The following WDR49 variants were observed in gnomAD, a reference collection of about 807,000 sequenced individuals.
WDR49 encodes WD repeat domain 49, also known as cilia- and flagella-associated protein 337.
WDR49 carries 107 observed loss-of-function variants against 119.5 expected under a neutral mutation model. The observed-to-expected ratio is 0.90, with a 90% CI of 0.77 to 1.05. WDR49 has a LOEUF of 1.05. Ranked by LOEUF, WDR49 falls within the 50% of genes least tolerant of loss-of-function variation. The probability of loss-of-function intolerance (pLI) is 0.00; values close to 1 mark genes in which losing one functional copy is unlikely to be tolerated. For missense variants in WDR49, 1,240 were observed against 1,220.5 expected, an observed-to-expected ratio of 1.02 and a Z score of -0.24; for synonymous variants, 425 against 418.8, an observed-to-expected ratio of 1.01 and a Z score of -0.18.
At chr3:167,552,597 T>C (rs887940790) in intron 10 of WDR49, among the ~76,000 whole-genome samples, 1 of 151,958 alleles carries the variant, frequency 6.6e-6, no homozygotes, top group Non-Finnish European at 1.5e-5. Context: ...ATTATTTCAG[T>C]TGAGAACATG....
intron 7 of WDR49, among the ~76,000 whole-genome samples, chr3:167,584,556 G>A (rs946084183): frequency 2.0e-5 from 3 of 152,010 alleles, no homozygotes; most frequent in East Asian, 3.9e-4. Flanking sequence ...AAAGAGAATG[G>A]TTAAACCATC....
chr3:167,636,795 T>C, intron 2 of WDR49, among the ~76,000 whole-genome samples: 1 of 151,962 alleles, frequency 6.6e-6, no homozygotes, highest in Non-Finnish European at 1.5e-5. Flanking sequence ...TATCTTCTTT[T>C]GAGAATTTTC....
intron 16 of WDR49, among the ~76,000 whole-genome samples, chr3:167,510,930 A>G (rs1278999090): frequency 6.9e-6 from 1 of 145,812 alleles, no homozygotes; most frequent in African/African-American, 2.5e-5. Context: ...TCACATTTTT[A>G]TTTTTCTTTC....
At chr3:167,619,941 T>C (rs1192008967) in intron 5 of WDR49, among the ~76,000 whole-genome samples, 2 of 151,644 alleles carry the variant, frequency 1.3e-5, no homozygotes, top group Admixed American at 1.3e-4. Context: ...TCAAGTACTC[T>C]AGATTAGAGA....
chr3:167,657,022 G>A (rs529204706), upstream of WDR49, among the ~76,000 whole-genome samples: 35 of 152,104 alleles, frequency 2.3e-4, no homozygotes, highest in South Asian at 4.6e-3. Context: ...TCTCCCCACC[G>A]AATAGACACA....
At chr3:167,552,390 T>C (rs970543968) in intron 10 of WDR49, among the ~76,000 whole-genome samples, 8 of 152,212 alleles carry the variant, frequency 5.3e-5, no homozygotes, top group Admixed American at 1.3e-4. Flanking sequence ...GTGGAAATTA[T>C]GCTCTGAATT....
chr3:167,600,052 G>T (rs1192450918), intron 7 of WDR49, among the ~76,000 whole-genome samples: 1 of 152,078 alleles, frequency 6.6e-6, no homozygotes, highest in Non-Finnish European at 1.5e-5. Flanking sequence ...GGGCCTGGAA[G>T]GGGGGCACCT....
intron 16 of WDR49, 38 bp downstream of exon 16, chr3:167,522,277 C>T (rs1464439742): frequency 1.3e-6 from 2 of 1,530,214 alleles, no homozygotes; most frequent in South Asian, 1.3e-5. Flanking sequence ...CTTATCTAGA[C>T]TTCAGTTGAC....
chr3:167,636,778 A>G (rs1717640239), intron 2 of WDR49, among the ~76,000 whole-genome samples: 1 of 151,636 alleles, frequency 6.6e-6, no homozygotes. Context: ...ATTGTTAGCC[A>G]TTTGTATATC....
chr3:167,595,742 G>A (rs929483791), intron 7 of WDR49, among the ~76,000 whole-genome samples: 6 of 151,922 alleles, frequency 3.9e-5, no homozygotes, highest in Admixed American at 2.0e-4. Context: ...AGACTTAAAC[G>A]TCAGACCTAA....
At chr3:167,486,748 T>G (rs1404905476) in intron 18 of WDR49, among the ~76,000 whole-genome samples, 1 of 152,062 alleles carries the variant, frequency 6.6e-6, no homozygotes, top group Non-Finnish European at 1.5e-5. Flanking sequence ...TCTTGGCCTA[T>G]GAAAAAAATT....
chr3:167,601,343 T>C (rs1195658621), intron 7 of WDR49, among the ~76,000 whole-genome samples: 2 of 152,184 alleles, frequency 1.3e-5, no homozygotes, highest in African/African-American at 2.4e-5. Flanking sequence ...TAATTTATAT[T>C]TGCATATATT....
intron 10 of WDR49, among the ~76,000 whole-genome samples, chr3:167,538,937 A>G (rs1711632280): frequency 6.6e-6 from 1 of 152,156 alleles, no homozygotes; most frequent in South Asian, 2.1e-4. Flanking sequence ...TCAAATGTGG[A>G]GCTCTGTTAT....
chr3:167,613,667 G>A (rs1050231104), intron 5 of WDR49, among the ~76,000 whole-genome samples: 2 of 152,124 alleles, frequency 1.3e-5, no homozygotes, highest in African/African-American at 4.8e-5. Flanking sequence ...ATTAGCAGCT[G>A]GTTGTGGTGG....
At chr3:167,605,012 T>TTG (rs370361855) in intron 5 of WDR49, among the ~76,000 whole-genome samples, 7,365 of 143,386 alleles carry the variant, frequency 0.051, 172 homozygotes, top group Middle Eastern at 0.068. Context: ...TTAATTTGCT[T>TTG]TGTGTGTGTG....
rs75171729 is a variant in WDR49 at position 167,621,367 on chromosome 3, T to A, written c.783+100A>T. 3,237 of 1,213,904 alleles carry A rather than the reference T, an allele frequency of 2.7e-3. 68 individuals carry two copies. The African/African-American group carries it at 0.045, about 17-fold the overall frequency. 75.2% of individuals were successfully genotyped at this position (1,213,904 alleles called of 1,614,324 possible). ...AATGTGCATGTAATCCATAATGTAA[T>A]TAAATTTGGAGGTCACACTCATTGC... On this transcript the variant is annotated intron_variant, in intron 4 of 18. Transcript: ENST00000682715.
intron 7 of WDR49, among the ~76,000 whole-genome samples, chr3:167,581,720 T>G (rs921915691): frequency 6.6e-6 from 1 of 152,200 alleles, no homozygotes; most frequent in Non-Finnish European, 1.5e-5. Context: ...AGTAGATAAC[T>G]TCACAGATAT....
intron 2 of WDR49, among the ~76,000 whole-genome samples, chr3:167,643,537 A>G (rs1717978632): frequency 6.6e-6 from 1 of 152,170 alleles, no homozygotes; most frequent in Non-Finnish European, 1.5e-5. Context: ...GTGATTTTAT[A>G]TAAAAGACAT....
chr3:167,622,984 G>T (rs530184236), intron 3 of WDR49, among the ~76,000 whole-genome samples: 1 of 151,928 alleles, frequency 6.6e-6, no homozygotes, highest in Non-Finnish European at 1.5e-5. Flanking sequence ...ATGGGTCAAA[G>T]AAGAAACAGA....
Sources: gnomAD v4.1 joint callset for allele counts (sites outside exome capture counted in the v4.1 genomes callset) on GRCh38, gnomAD v4.1.1 for gene constraint, MANE v1.5 for transcripts, NCBI Gene and HGNC (gene_info 2026-07-23, HGNC 2026-07-21) for gene names.